Variants in ADGRB3 observed in about 807,000 individuals in gnomAD.
ADGRB3 encodes adhesion G protein-coupled receptor B3.
ADGRB3 carries 37 observed loss-of-function variants against 193.4 expected under a neutral mutation model. The ratio of observed to expected loss-of-function variants is 0.19; its 90% CI spans 0.15 to 0.25. ADGRB3 has a LOEUF of 0.25. Among genes scored for constraint, ADGRB3 ranks in the 10% least tolerant of loss-of-function variants. The pLI, the probability that ADGRB3 is intolerant of heterozygous loss-of-function variation, is 1.00. For synonymous variants in ADGRB3, 690 were observed against 644.2 expected, an observed-to-expected ratio of 1.07 and a Z score of -1.08; for missense variants, 1,637 against 1,852.9, an observed-to-expected ratio of 0.88 and a Z score of 2.14.
At chr6:68,720,467 C>T (rs149225259) in intron 3 of ADGRB3, among the ~76,000 whole-genome samples, 38 of 151,716 alleles carry the variant, frequency 2.5e-4, no homozygotes, top group African/African-American at 8.9e-4. Context: ...GAGGCAAGTA[C>T]TCAGTGAAAT....
At chr6:68,652,545 CT>C (rs1156394339) in intron 3 of ADGRB3, among the ~76,000 whole-genome samples, 5 of 152,100 alleles carry the variant, frequency 3.3e-5, no homozygotes, top group African/African-American at 9.7e-5. Context: ...AAAAATCCTC[CT>C]GCAAATTAGC....
At chr6:69,064,583 T>C (rs1476861148) in intron 16 of ADGRB3, among the ~76,000 whole-genome samples, 1 of 151,972 alleles carries the variant, frequency 6.6e-6, no homozygotes, top group Non-Finnish European at 1.5e-5. Flanking sequence ...CAAAATTTTT[T>C]ACAAAAATAT....
chr6:68,701,066 T>C (rs1271049430), intron 3 of ADGRB3, among the ~76,000 whole-genome samples: 2 of 152,174 alleles, frequency 1.3e-5, no homozygotes, highest in African/African-American at 2.4e-5. Context: ...AGTATCCTAA[T>C]GAATATCTTT....
rs117427857 is a variant in ADGRB3, at chr6:69,103,695, C to T, written c.2480+27657C>T. 8.3e-3 allele frequency among the ~76,000 whole-genome samples: 1,264 copies of T among 151,704 alleles called. 11 individuals carry two copies. The highest frequency in any genetic ancestry group is 0.013 in the Non-Finnish European group (898 of 67,886). ...ATGAACAAGGGCAATTGGATGACTC[C>T]TCTTACATATACACTCAGGAAAGCT... On this transcript the variant is annotated intron_variant, in intron 17 of 31. Coordinates refer to ENST00000370598, the MANE Select transcript of ADGRB3 (RefSeq NM_001704.3).
At chr6:68,909,880 C>A (rs1313516006) in intron 3 of ADGRB3, among the ~76,000 whole-genome samples, 1 of 152,152 alleles carries the variant, frequency 6.6e-6, no homozygotes, top group Non-Finnish European at 1.5e-5. Context: ...GTGTGCATGT[C>A]TTTATAGCAG....
chr6:69,181,149 C>A (rs1459498004), intron 17 of ADGRB3, among the ~76,000 whole-genome samples: 3 of 152,178 alleles, frequency 2.0e-5, no homozygotes, highest in Non-Finnish European at 4.4e-5. Context: ...TTGCCTGCAT[C>A]CTCCTCCTGA....
At chr6:69,303,763 C>G (rs1014160468) in intron 20 of ADGRB3, among the ~76,000 whole-genome samples, 1 of 151,920 alleles carries the variant, frequency 6.6e-6, no homozygotes, top group Non-Finnish European at 1.5e-5. Flanking sequence ...TGACCTATCT[C>G]TAAAGAATTC....
chr6:68,660,997 A>C (rs1441652606), intron 3 of ADGRB3, among the ~76,000 whole-genome samples: 1 of 150,604 alleles, frequency 6.6e-6, no homozygotes, highest in East Asian at 1.9e-4. Flanking sequence ...TTTATTTATA[A>C]ATATATAATT....
rs201661269 is a variant in ADGRB3, at chr6:68,959,354, A to C, written c.1525+2545A>C. 3.3e-5 allele frequency among the ~76,000 whole-genome samples: 5 copies of C among 152,296 alleles called. No individual in the cohort carries two copies. The East Asian group carries it at 9.6e-4, about 29-fold the overall frequency. ...CATCTTTGTCTTTGTGTTAACAACAAAGCTTCAACAATTTTTTTAAACAAT... is the reference window on the plus strand; with the variant it reads ...CATCTTTGTCTTTGTGTTAACAACACAGCTTCAACAATTTTTTTAAACAAT... On this transcript the variant is annotated intron_variant, in intron 8 of 31. Coordinates refer to ENST00000370598, the MANE Select transcript of ADGRB3 (RefSeq NM_001704.3).
At chr6:69,034,838 A>G (rs17401256) in intron 13 of ADGRB3, among the ~76,000 whole-genome samples, 11,576 of 151,886 alleles carry the variant, frequency 0.076, 543 homozygotes, top group Non-Finnish European at 0.11. Flanking sequence ...TAAAAAGAGC[A>G]TAACTATATA....
chr6:69,058,350 T>A (rs1771609885), intron 15 of ADGRB3, among the ~76,000 whole-genome samples: 1 of 151,904 alleles, frequency 6.6e-6, no homozygotes, highest in Non-Finnish European at 1.5e-5. Flanking sequence ...TTACTCTTTT[T>A]AAAAAGGGTT....
At chr6:69,074,537 C>CTT (rs956596624) in intron 16 of ADGRB3, among the ~76,000 whole-genome samples, 26 of 115,878 alleles carry the variant, frequency 2.2e-4, no homozygotes, top group East Asian at 7.4e-4. Flanking sequence ...CAGGACTGTA[C>CTT]TTTTTTTTTT....
intron 3 of ADGRB3, among the ~76,000 whole-genome samples, chr6:68,815,044 A>G (rs1333941468): frequency 6.6e-6 from 1 of 152,200 alleles, no homozygotes; most frequent in Non-Finnish European, 1.5e-5. Flanking sequence ...TTGAATGGGC[A>G]AAAACTGGAA....
intron 11 of ADGRB3, among the ~76,000 whole-genome samples, chr6:69,008,393 T>G (rs961790613): frequency 6.6e-6 from 1 of 152,180 alleles, no homozygotes; most frequent in African/African-American, 2.4e-5. Flanking sequence ...ATACCTTTCC[T>G]CGTTTTTTCA....
chr6:68,814,721 G>A (rs1308175334), intron 3 of ADGRB3, among the ~76,000 whole-genome samples: 2 of 151,920 alleles, frequency 1.3e-5, no homozygotes, highest in Admixed American at 6.6e-5. Flanking sequence ...GATGAACATC[G>A]ATGCAAAAAT....
intron 8 of ADGRB3, among the ~76,000 whole-genome samples, chr6:68,963,464 A>G (rs1373346893): frequency 6.6e-6 from 1 of 152,092 alleles, no homozygotes; most frequent in Non-Finnish European, 1.5e-5. Flanking sequence ...GCCAAATTTC[A>G]TCCTACTGGG....
intron 3 of ADGRB3, among the ~76,000 whole-genome samples, chr6:68,886,526 C>G (rs1388477538): frequency 6.6e-6 from 1 of 152,066 alleles, no homozygotes; most frequent in East Asian, 1.9e-4. Flanking sequence ...TACACCTAAG[C>G]ACAGTTCATT....
At chr6:68,689,602 A>G (rs1765037254) in intron 3 of ADGRB3, among the ~76,000 whole-genome samples, 1 of 152,192 alleles carries the variant, frequency 6.6e-6, no homozygotes, top group Non-Finnish European at 1.5e-5. Flanking sequence ...CATGAAAAAG[A>G]GAGCAAAATT....
intron 3 of ADGRB3, among the ~76,000 whole-genome samples, chr6:68,801,041 A>G (rs1363904689): frequency 6.6e-6 from 1 of 152,204 alleles, no homozygotes; most frequent in East Asian, 1.9e-4. Flanking sequence ...ATGATGTCCA[A>G]ATTTAATTTC....
Sources: allele counts gnomAD v4.1 joint callset (sites outside exome capture counted in the v4.1 genomes callset), GRCh38; gene constraint gnomAD v4.1.1; transcripts MANE v1.5; gene names NCBI Gene and HGNC (gene_info 2026-07-23, HGNC 2026-07-21).